The following LIN28B variants were observed in gnomAD, a reference collection of about 807,000 sequenced individuals.
The protein encoded by LIN28B is protein lin-28 homolog B.
In LIN28B, 5 loss-of-function variants were observed where a neutral mutation model predicts 21.9. That is an observed-to-expected ratio of 0.23 (90% CI 0.12 to 0.48). The LOEUF is 0.48. LIN28B is among the 20% of genes least tolerant of loss of function. The probability of loss-of-function intolerance (pLI) is 0.98; values close to 1 mark genes in which losing one functional copy is unlikely to be tolerated. For missense variants in LIN28B, 245 were observed against 310.5 expected (o/e 0.79, Z 1.58); for synonymous variants, 109 against 111.3 (o/e 0.98, Z 0.13).
intron 3 of LIN28B, among the ~76,000 whole-genome samples, chr6:105,037,139 G>T (rs998035231): frequency 2.6e-5 from 4 of 152,122 alleles, no homozygotes; most frequent in Non-Finnish European, 5.9e-5. Flanking sequence ...AGCTGATCAA[G>T]ATGAAGACTG....
Position 105,021,503 on chromosome 6 carries a change from C to CT in LIN28B, c.199-4790dup, listed in dbSNP as rs534487925. 7.7e-4 allele frequency among the ~76,000 whole-genome samples: 117 copies of CT among 152,212 alleles called. 3 individuals carry two copies. In the South Asian group the frequency reaches 0.024, roughly 32 times the overall value. On this transcript the variant is annotated intron_variant, in intron 2 of 3. Transcript: ENST00000345080. Reference sequence around the variant, plus strand: ...CCTACCAACAGTGTATAAGAGTTCTCTTTTTCCCACATCCTTGCTAACATC... The same window carrying CT: ...CCTACCAACAGTGTATAAGAGTTCTCTTTTTTCCCACATCCTTGCTAACATC...
chr6:104,990,934 CA>C, intron 2 of LIN28B, among the ~76,000 whole-genome samples: 1 of 152,324 alleles, frequency 6.6e-6, no homozygotes, highest in South Asian at 2.1e-4. Context: ...TAGTACAGAA[CA>C]AAATGGAGTC....
intron 3 of LIN28B, among the ~76,000 whole-genome samples, chr6:105,048,048 A>G (rs1407496312): frequency 1.3e-5 from 2 of 152,194 alleles, no homozygotes. Flanking sequence ...AGAACTTCCA[A>G]CACTGTGTTG....
chr6:104,972,737 T>C (rs1002639919), intron 2 of LIN28B, among the ~76,000 whole-genome samples: 2 of 152,186 alleles, frequency 1.3e-5, no homozygotes, highest in African/African-American at 2.4e-5. Flanking sequence ...GATGCAGATA[T>C]CTGTTTCAGT....
At chr6:105,044,816 G>A (rs867473216) in intron 3 of LIN28B, among the ~76,000 whole-genome samples, 3 of 152,064 alleles carry the variant, frequency 2.0e-5, no homozygotes, top group Non-Finnish European at 2.9e-5. Context: ...ACTAGTGCAC[G>A]TTCTACCCAA....
At position 105,047,308 on chromosome 6, in the gene LIN28B, G is replaced by A. The variant is rs566080528; in HGVS notation, c.383+20826G>A. ...CCCATTTCTTGTTTTTGTCAGGTTT[G>A]TCAAAGATCAGATGGTTGTAGATGT... is the stretch of plus-strand genomic sequence containing the variant. On this transcript the variant is annotated intron_variant, in intron 3 of 3. Coordinates refer to ENST00000345080, the MANE Select transcript of LIN28B (RefSeq NM_001004317.4). 5.6e-3 allele frequency among the ~76,000 whole-genome samples: 846 copies of A among 152,208 alleles called. 9 individuals are homozygous for A. The highest frequency in any genetic ancestry group is 0.019 in the African/African-American group (808 of 41,524).
At position 104,938,553 on chromosome 6, in the gene LIN28B, C is replaced by T. The variant is rs2114535000; in HGVS notation, c.18+1437C>T. Among the ~76,000 whole-genome samples the T allele has an allele frequency of 1.3e-5, 2 of 151,882 alleles. 1 individual carries two copies. The highest frequency in any genetic ancestry group is 4.2e-4 in the South Asian group (2 of 4,810). ...ACTTAGGAGACTGAGGCACGAGAAT[C>T]CCGTGAACCCAGAAGGTGGAGGCTG... On this transcript the variant is annotated intron_variant, in intron 2 of 5. Transcript: ENST00000635857.
chr6:105,076,053 A>G lies in LIN28B; in HGVS notation c.384-2361A>G, dbSNP rs183232836. On this transcript the variant is annotated intron_variant, in intron 3 of 3. Coordinates refer to ENST00000345080, the MANE Select transcript of LIN28B (RefSeq NM_001004317.4). ...TGTGGTTATATTTTTCAAATATGTCATTTTTTAGTGTTATTTTGAGAACCT... is the reference window on the plus strand; with the variant it reads ...TGTGGTTATATTTTTCAAATATGTCGTTTTTTAGTGTTATTTTGAGAACCT... 2.7e-4 allele frequency among the ~76,000 whole-genome samples: 41 copies of G among 152,310 alleles called. 1 individual carries two copies. In the East Asian group the frequency reaches 7.7e-3, roughly 29 times the overall value.
intron 3 of LIN28B, among the ~76,000 whole-genome samples, chr6:105,049,319 A>C (rs1771841418): frequency 6.6e-6 from 1 of 152,170 alleles, no homozygotes; most frequent in Non-Finnish European, 1.5e-5. Context: ...GTTTTGAATG[A>C]GTTTGTTAAT....
chr6:104,997,800 C>G (rs1770643185), intron 2 of LIN28B, among the ~76,000 whole-genome samples: 1 of 152,156 alleles, frequency 6.6e-6, no homozygotes, highest in Non-Finnish European at 1.5e-5. Flanking sequence ...GCTGACACTT[C>G]CGGGTTTATA....
At chr6:104,966,496 C>G (rs1415245150) in intron 2 of LIN28B, among the ~76,000 whole-genome samples, 1 of 151,868 alleles carries the variant, frequency 6.6e-6, no homozygotes, top group Non-Finnish European at 1.5e-5. Flanking sequence ...TGCTCTTGCT[C>G]AGGCTGGAGT....
chr6:105,028,200 A>C (rs964951170), intron 3 of LIN28B, among the ~76,000 whole-genome samples: 1 of 151,914 alleles, frequency 6.6e-6, no homozygotes, highest in Non-Finnish European at 1.5e-5. Context: ...TGTGAGGGAG[A>C]ATAGTGGAGG....
intron 2 of LIN28B, among the ~76,000 whole-genome samples, chr6:105,023,381 T>A (rs1352188862): frequency 2.1e-4 from 1 of 4,784 alleles, no homozygotes; most frequent in Non-Finnish European, 3.1e-4. Context: ...ATATATATAA[T>A]TATATTATAT....
chr6:105,045,469 A>G (rs1316390031), intron 3 of LIN28B: 2 of 151,674 alleles, frequency 1.3e-5, no homozygotes, highest in African/African-American at 4.9e-5. Flanking sequence ...TATTTTTAGT[A>G]AAGACGGGGT....
intron 2 of LIN28B, among the ~76,000 whole-genome samples, chr6:104,961,444 G>A (rs1022981974): frequency 2.0e-5 from 3 of 151,612 alleles, no homozygotes; most frequent in Admixed American, 6.6e-5. Context: ...ACTGTCACCC[G>A]GGCTGGAGTG....
At chr6:104,978,602 A>G (rs1291472199) in intron 2 of LIN28B, among the ~76,000 whole-genome samples, 2 of 151,936 alleles carry the variant, frequency 1.3e-5, no homozygotes, top group African/African-American at 2.4e-5. Flanking sequence ...TAGATATGCT[A>G]CAATTGCTAT....
At chr6:104,952,413 A>T (rs1582859791), upstream of LIN28B, among the ~76,000 whole-genome samples, 1 of 152,214 alleles carries the variant, frequency 6.6e-6, no homozygotes, top group East Asian at 1.9e-4. Flanking sequence ...TAATTTAAGA[A>T]AGTATTTGTT....
At chr6:105,014,537 T>C (rs1457861151) in intron 2 of LIN28B, among the ~76,000 whole-genome samples, 1 of 152,094 alleles carries the variant, frequency 6.6e-6, no homozygotes, top group African/African-American at 2.4e-5. Context: ...TGGCCAGGCT[T>C]GTCTTGAACT....
At chr6:105,020,911 C>T (rs940939854) in intron 2 of LIN28B, among the ~76,000 whole-genome samples, 2 of 151,920 alleles carry the variant, frequency 1.3e-5, no homozygotes, top group East Asian at 1.9e-4. Flanking sequence ...CACCACCACG[C>T]CCGGCTAATT....
Sources: allele counts gnomAD v4.1 joint callset (sites outside exome capture counted in the v4.1 genomes callset), GRCh38; gene constraint gnomAD v4.1.1; transcripts MANE v1.5; gene names NCBI Gene and HGNC (gene_info 2026-07-23, HGNC 2026-07-21).